EZH2: variants seen among roughly 807,000 people sequenced by gnomAD.
EZH2 encodes enhancer of zeste 2 polycomb repressive complex 2 subunit, also known as histone-lysine N-methyltransferase EZH2.
A neutral mutation model predicts 98.4 loss-of-function variants in EZH2; 18 were observed. The ratio of observed to expected loss-of-function variants is 0.18; its 90% CI spans 0.13 to 0.27. The LOEUF is 0.27. EZH2 is among the 10% of genes least tolerant of loss of function. EZH2 has a pLI of 1.00. For missense variants in EZH2, 470 were observed against 935.1 expected (o/e 0.50, Z 6.49); for synonymous variants, 338 against 312.3 (o/e 1.08, Z -0.87).
chr7:148,867,491 A>C (rs1818718366), intron 1 of EZH2, among the ~76,000 whole-genome samples: 1 of 152,196 alleles, frequency 6.6e-6, no homozygotes, highest in Non-Finnish European at 1.5e-5. Context: ...CTGAGTCTCC[A>C]CTGACCTATG....
At chr7:148,866,556 A>ATATATATACGTATATACATATATACG (rs1563063346) in intron 1 of EZH2, among the ~76,000 whole-genome samples, 12 of 125,646 alleles carry the variant, frequency 9.6e-5, no homozygotes, top group African/African-American at 3.5e-4. Flanking sequence ...ATATATATAC[A>ATATATATACGTATATACATATATACG]TATATACATA....
intron 1 of EZH2, among the ~76,000 whole-genome samples, chr7:148,876,969 T>C (rs954110776): frequency 1.3e-5 from 2 of 152,178 alleles, no homozygotes; most frequent in Non-Finnish European, 2.9e-5. Context: ...TAGTTGTTAC[T>C]TAATCTCTCC....
At chr7:148,858,824 TATG>T (rs1817241106) in intron 1 of EZH2, among the ~76,000 whole-genome samples, 1 of 152,224 alleles carries the variant, frequency 6.6e-6, no homozygotes, top group South Asian at 2.1e-4. Context: ...TAGCAGCCTA[TATG>T]ATGACATGTC....
chr7:148,832,821 A>G (rs1563255069), intron 3 of EZH2, 71 bp from the exon 4 acceptor site: 2 of 897,064 alleles, frequency 2.2e-6, no homozygotes, highest in South Asian at 1.9e-5. Context: ...ATCATATTGT[A>G]AAGAGATGCT....
intron 3 of EZH2, among the ~76,000 whole-genome samples, chr7:148,843,347 G>A (rs946049245): frequency 6.6e-6 from 1 of 151,960 alleles, no homozygotes; most frequent in Admixed American, 6.6e-5. Flanking sequence ...CTCCAGCCTA[G>A]GCAACAGAGC....
At chr7:148,839,557 C>CA (rs1042027887) in intron 3 of EZH2, among the ~76,000 whole-genome samples, 6 of 150,044 alleles carry the variant, frequency 4.0e-5, no homozygotes, top group South Asian at 2.1e-4. Flanking sequence ...AAACATATGA[C>CA]AAAAAAAACT....
chr7:148,872,216 G>A (rs920860361), intron 1 of EZH2, among the ~76,000 whole-genome samples: 6 of 152,246 alleles, frequency 3.9e-5, no homozygotes, highest in Middle Eastern at 3.4e-3. Context: ...ATTATGCTAA[G>A]CAAAATAAGC....
Position 148,817,959 on chromosome 7 carries a change from A to G in EZH2, c.1158T>C (p.Asp386=), listed in dbSNP as rs1310264634. ...CCCCCGTTTCAGTCCCTGCTTCCCTATCACTGTCTGTATCCTTTGATTCCA... is the reference window on the plus strand; with the variant it reads ...CCCCCGTTTCAGTCCCTGCTTCCCTGTCACTGTCTGTATCCTTTGATTCCA... The part of the protein sequence containing the change: ...NVLESKDTDS[D]REAGTETGGE... The change falls in exon 10 of 20, where the codon GAT becomes GAC. Residue 386 remains aspartate (D), a synonymous_variant. Transcript: ENST00000320356. 6.2e-7 allele frequency: 1 copy of G among 1,613,864 alleles called. No homozygotes were observed. Among genetic ancestry groups the G allele is most frequent in the Non-Finnish European group, 8.5e-7 (1 of 1,180,008 alleles).
rs574287756 is a variant in EZH2 at position 148,846,995 on chromosome 7, A to G, written c.117+187T>C. On this transcript the variant is annotated intron_variant, in intron 2 of 19. Coordinates refer to ENST00000320356, the MANE Select transcript of EZH2 (RefSeq NM_004456.5). ...ATATGCAAATAAAAGTATACTAAACAAAGACTGATTAATGTGCATGGTATA... is the reference window on the plus strand; with the variant it reads ...ATATGCAAATAAAAGTATACTAAACGAAGACTGATTAATGTGCATGGTATA... 4.0e-4 allele frequency among the ~76,000 whole-genome samples: 61 copies of G among 152,234 alleles called. No individual in the cohort carries two copies. In the South Asian group the frequency reaches 5.6e-3, roughly 14 times the overall value.
intron 8 of EZH2, among the ~76,000 whole-genome samples, chr7:148,821,854 A>ATC (rs111686179): frequency 2.0e-5 from 3 of 152,150 alleles, no homozygotes; most frequent in East Asian, 1.9e-4. Context: ...ATGTATATAT[A>ATC]TCTCTCTCTC....
At chr7:148,824,500 C>T (rs1388701856) in intron 8 of EZH2, among the ~76,000 whole-genome samples, 1 of 152,160 alleles carries the variant, frequency 6.6e-6, no homozygotes, top group African/African-American at 2.4e-5. Context: ...ACAACTGCCT[C>T]CAGTATCCAG....
chr7:148,835,646 T>C (rs969158936), intron 3 of EZH2, among the ~76,000 whole-genome samples: 9 of 147,200 alleles, frequency 6.1e-5, no homozygotes, highest in Non-Finnish European at 9.0e-5. Context: ...TTTCATTTCT[T>C]AAAAAAAAAA....
chr7:148,826,303 A>C (rs1807687653), intron 8 of EZH2, 151 bp downstream of exon 8: 2 of 592,996 alleles, frequency 3.4e-6, no homozygotes, highest in Admixed American at 4.3e-5. Context: ...ATCCTCAAGC[A>C]ACAAAGTAAA....
intron 1 of EZH2, among the ~76,000 whole-genome samples, chr7:148,881,843 G>T (rs2129495794): frequency 6.6e-6 from 1 of 151,430 alleles, no homozygotes; most frequent in Middle Eastern, 3.4e-3. Flanking sequence ...CTGAGGCAGG[G>T]GAATTCCTTA....
chr7:148,813,951 T>TTGC lies in EZH2; in HGVS notation c.1851+5_1851+7dup. 1 of 1,609,788 alleles carries TTGC rather than the reference T, an allele frequency of 6.2e-7. No homozygotes were observed. The highest frequency in any genetic ancestry group is 8.5e-7 in the Non-Finnish European group (1 of 1,177,600). ...CAAACAATCTTCCAGAAGTGACTTG[T>TTGC]TGCTCACCTTTTTGGAGCCCCGCTG... On this transcript the variant is annotated splice_region_variant and intron_variant, in intron 15 of 19. Transcript: ENST00000320356.
chr7:148,836,710 TA>T (rs1052896346), intron 3 of EZH2: 164 of 372,218 alleles, frequency 4.4e-4, no homozygotes, highest in East Asian at 6.7e-4. Flanking sequence ...ATCAATGGTT[TA>T]AAAAAAAAGG....
chr7:148,855,190 C>A (rs1283103812), intron 1 of EZH2, among the ~76,000 whole-genome samples: 3 of 152,240 alleles, frequency 2.0e-5, no homozygotes, highest in Non-Finnish European at 4.4e-5. Context: ...TGGCCTTAGG[C>A]CAGGCCATGT....
intron 1 of EZH2, among the ~76,000 whole-genome samples, chr7:148,881,761 C>T (rs1820990161): frequency 6.6e-6 from 1 of 151,884 alleles, no homozygotes; most frequent in East Asian, 1.9e-4. Flanking sequence ...TGGTGAAACC[C>T]TGTCTCTGCT....
chr7:148,838,063 CTT>C (rs35838307), intron 3 of EZH2, among the ~76,000 whole-genome samples: 14 of 100,522 alleles, frequency 1.4e-4, no homozygotes, highest in African/African-American at 3.5e-4. Context: ...GTTTAGACTC[CTT>C]TTTTTTTTTT....
Sources: allele counts gnomAD v4.1 joint callset (sites outside exome capture counted in the v4.1 genomes callset), GRCh38; gene constraint gnomAD v4.1.1; transcripts MANE v1.5; gene names NCBI Gene and HGNC (gene_info 2026-07-23, HGNC 2026-07-21).